Variants in SYNPR observed in about 807,000 individuals in gnomAD.
The protein encoded by SYNPR is synaptoporin.
SYNPR carries 23 observed loss-of-function variants against 32.9 expected under a neutral mutation model. The observed-to-expected ratio is 0.70, with a 90% CI of 0.50 to 0.99. SYNPR has a LOEUF of 0.99. SYNPR is among the 50% of genes least tolerant of loss of function. The probability of loss-of-function intolerance (pLI) is 0.00; values close to 1 mark genes in which losing one functional copy is unlikely to be tolerated. For synonymous variants in SYNPR, 146 were observed against 135.9 expected (o/e 1.07, Z -0.52); for missense variants, 318 against 349.3 (o/e 0.91, Z 0.71).
chr3:63,263,969 C>G (rs1204680662), intron 2 of SYNPR, among the ~76,000 whole-genome samples: 3 of 152,090 alleles, frequency 2.0e-5, no homozygotes, highest in Non-Finnish European at 2.9e-5. Flanking sequence ...ACAATACTGG[C>G]TATTAATACA....
chr3:63,561,024 T>C (rs918765740), intron 4 of SYNPR, among the ~76,000 whole-genome samples: 1 of 152,360 alleles, frequency 6.6e-6, no homozygotes, highest in East Asian at 1.9e-4. Context: ...AATTTGTGAT[T>C]CTTCAAGTCA....
At chr3:63,558,824 A>T (rs62250768) in intron 4 of SYNPR, among the ~76,000 whole-genome samples, 13,583 of 151,762 alleles carry the variant, frequency 0.09, 617 homozygotes, top group East Asian at 0.14. Flanking sequence ...CAAAAAATAT[A>T]TAATAGGGTA....
chr3:63,225,611 TA>T (rs1260638453), upstream of SYNPR, among the ~76,000 whole-genome samples: 1 of 152,102 alleles, frequency 6.6e-6, no homozygotes, highest in African/African-American at 2.4e-5. Context: ...AGTAGGATTG[TA>T]AACTGGAACC....
chr3:63,557,134 C>G (rs1286213306), intron 4 of SYNPR, among the ~76,000 whole-genome samples: 3 of 152,038 alleles, frequency 2.0e-5, no homozygotes, highest in African/African-American at 7.2e-5. Flanking sequence ...CTATCTATGT[C>G]TTTTTCCTAC....
At chr3:63,530,889 G>A (rs17398442) in intron 3 of SYNPR, among the ~76,000 whole-genome samples, 156 of 152,248 alleles carry the variant, frequency 1.0e-3, no homozygotes, top group Non-Finnish European at 2.0e-3. Flanking sequence ...CCTTGAAAGA[G>A]ACAGCTATTC....
chr3:63,498,922 C>T (rs977101670), intron 3 of SYNPR, among the ~76,000 whole-genome samples: 2 of 146,786 alleles, frequency 1.4e-5, no homozygotes, highest in East Asian at 2.0e-4. Context: ...AAGACCAGCC[C>T]GGGCAACATA....
At chr3:63,264,437 C>T (rs2086464086) in intron 2 of SYNPR, among the ~76,000 whole-genome samples, 1 of 152,080 alleles carries the variant, frequency 6.6e-6, no homozygotes, top group Non-Finnish European at 1.5e-5. Flanking sequence ...ATCTATTAAG[C>T]ATGCAGAGAA....
chr3:63,242,799 T>A (rs1687203361), intron 1 of SYNPR, among the ~76,000 whole-genome samples: 2 of 152,078 alleles, frequency 1.3e-5, no homozygotes, highest in Admixed American at 1.3e-4. Flanking sequence ...TGAAAAAGAC[T>A]TTATTTTTAA....
intron 5 of SYNPR, 49 bp from the exon 6 acceptor site, chr3:63,615,175 T>C (rs368633717): frequency 3.8e-6 from 6 of 1,572,402 alleles, no homozygotes; most frequent in African/African-American, 2.7e-5. Context: ...GAAATTTTTC[T>C]TGGGTTTTTG....
intron 2 of SYNPR, among the ~76,000 whole-genome samples, chr3:63,259,215 C>G (rs1575578573): frequency 1.3e-5 from 2 of 152,294 alleles, no homozygotes; most frequent in East Asian, 3.9e-4. Flanking sequence ...CTCCCTAACT[C>G]ATTTTATGAG....
intron 2 of SYNPR, among the ~76,000 whole-genome samples, chr3:63,293,027 GA>G (rs376775718): frequency 2.4e-4 from 37 of 152,204 alleles, no homozygotes; most frequent in African/African-American, 8.4e-4. Flanking sequence ...TTCTGAAGGG[GA>G]TAACATAATT....
In SYNPR at chr3:63,595,715, TTTTATATATATATATATATATATA is replaced by T. The variant is rs1428128924; in HGVS notation, c.409-13408_409-13385del. 2.9e-3 allele frequency among the ~76,000 whole-genome samples: 134 copies of T among 45,766 alleles called. 4 individuals are homozygous for T. The highest frequency in any genetic ancestry group is 0.011 in the South Asian group (17 of 1,538). The allele number at this position is 45,766 out of a possible 152,430, so 30.0% of individuals were successfully genotyped here. ...ATGGTGGTGGGACTTCTGAATCTTA[TTTTATATATATATATATATATATA>T]TATATATATATATATATATATATAT... is the stretch of plus-strand genomic sequence containing the variant. On this transcript the variant is annotated intron_variant, in intron 4 of 5. Coordinates refer to ENST00000478300, the MANE Select transcript of SYNPR (RefSeq NM_001130003.2).
intron 3 of SYNPR, among the ~76,000 whole-genome samples, chr3:63,513,833 GGA>G (rs59318320): frequency 0.15 from 22,667 of 151,920 alleles, 1,994 homozygotes; most frequent in East Asian, 0.39. Context: ...AAAAAGAAAG[GGA>G]GAGAGAAAAG....
At chr3:63,524,052 C>A (rs557037442) in intron 3 of SYNPR, among the ~76,000 whole-genome samples, 1 of 151,296 alleles carries the variant, frequency 6.6e-6, no homozygotes, top group East Asian at 2.0e-4. Flanking sequence ...TCCACATATG[C>A]ATCACCTTCC....
intron 1 of SYNPR, among the ~76,000 whole-genome samples, chr3:63,250,223 G>A (rs1452806406): frequency 6.6e-6 from 1 of 151,982 alleles, no homozygotes; most frequent in Admixed American, 6.6e-5. Flanking sequence ...AATGTTTGAG[G>A]TAATGGATAT....
intron 1 of SYNPR, among the ~76,000 whole-genome samples, chr3:63,252,095 A>G (rs752877951): frequency 2.6e-5 from 4 of 152,200 alleles, no homozygotes; most frequent in South Asian, 4.1e-4. Flanking sequence ...ACTCTGATAT[A>G]AAAGATCTGC....
chr3:63,507,889 T>C lies in SYNPR; in HGVS notation c.209+26933T>C, dbSNP rs545589467. ...ACCTATAGAAACATAGTACAAGCCA[T>C]GGATATAAGTCACAGGTATAATTTT... On this transcript the variant is annotated intron_variant, in intron 3 of 5. Coordinates refer to ENST00000478300, the MANE Select transcript of SYNPR (RefSeq NM_001130003.2). Among the ~76,000 whole-genome samples the C allele has an allele frequency of 2.6e-5, 4 of 151,554 alleles. No individual in the cohort carries two copies. The East Asian group carries it at 7.8e-4, about 29-fold the overall frequency.
chr3:63,267,302 C>T (rs1288889043), intron 2 of SYNPR: 1 of 152,190 alleles, frequency 6.6e-6, no homozygotes, highest in Non-Finnish European at 1.5e-5. Flanking sequence ...AAGGAACCAT[C>T]TTGGGTCCTC....
At chr3:63,211,130 G>A in the SYNPR span, among the ~76,000 whole-genome samples, 535 of 152,190 alleles carry the variant, frequency 3.5e-3, 3 homozygotes, top group Non-Finnish European at 5.5e-3. Context: ...GTGCAGTGGC[G>A]CGATCTTGGC....
Sources: allele counts gnomAD v4.1 joint callset (sites outside exome capture counted in the v4.1 genomes callset), GRCh38; gene constraint gnomAD v4.1.1; transcripts MANE v1.5; gene names NCBI Gene and HGNC (gene_info 2026-07-23, HGNC 2026-07-21).